Variants in DNAH2 observed in about 807,000 individuals in gnomAD.
DNAH2 encodes the protein axonemal beta dynein heavy chain 2.
Under a neutral mutation model 523.5 loss-of-function variants are expected in DNAH2, and 323 were observed. The ratio of observed to expected loss-of-function variants is 0.62; its 90% confidence interval spans 0.56 to 0.68. The LOEUF is 0.68. Ranked by LOEUF, DNAH2 falls within the 30% of genes least tolerant of loss-of-function variation. The pLI is 0.00. For synonymous variants in DNAH2, 2,093 were observed against 2,177.4 expected, an observed-to-expected ratio of 0.96 and a Z score of 1.08; for missense variants, 4,907 against 5,701.5, an observed-to-expected ratio of 0.86 and a Z score of 4.49.
At chr17:7,823,074 A>G (rs2077905035) in intron 73 of DNAH2, among the ~76,000 whole-genome samples, 1 of 152,098 alleles carries the variant, frequency 6.6e-6, no homozygotes, top group African/African-American at 2.4e-5. Context: ...GAGGATGATC[A>G]CCTGAGATCA....
At position 7,739,633 on chromosome 17, in the gene DNAH2, C is replaced by T. The variant is rs2075247811; in HGVS notation, c.1171-100C>T. ...TTTTTTTTTTTTTCACTTGCCATCA[C>T]TCACAGTGATGTTTTTAGACATTTG... On this transcript the variant is annotated intron_variant, in intron 8 of 85. Coordinates refer to ENST00000572933, the MANE Select transcript of DNAH2 (RefSeq NM_020877.5). 6.7e-6 allele frequency: 7 copies of T among 1,050,974 alleles called. No individual in the cohort carries two copies. In the Admixed American group the frequency reaches 1.7e-4, roughly 26 times the overall value. 65.1% of individuals were successfully genotyped at this position (1,050,974 alleles called of 1,614,324 possible). A position where few individuals can be genotyped will look rare whatever the true frequency, so the allele number is the denominator to read the frequency against.
chr17:7,796,572 A>G lies in DNAH2; in HGVS notation c.7783A>G (p.Met2595Val), dbSNP rs2077068654. 6.2e-7 allele frequency: 1 copy of G among 1,613,546 alleles called. No individual in the cohort carries two copies. Among genetic ancestry groups the G allele is most frequent in the Non-Finnish European group, 8.5e-7 (1 of 1,179,942 alleles). The stretch of plus-strand genomic sequence containing the variant: ...CGTGGTGACAGAGGCCACCCTGGAC[A>G]TGTACAACACCGTGGTACAGCGCTT... Reference protein sequence around the residue: ...GNVVTEATLDMYNTVVQRFLP... With the variant: ...GNVVTEATLDVYNTVVQRFLP... Residue 2595 changes from methionine (M) to valine (V), a missense_variant, in exon 50 of 86, where the codon ATG (methionine) becomes GTG (valine). Physicochemically the swap from Met to Val is conservative, Grantham distance 21. Coordinates refer to ENST00000572933, the MANE Select transcript of DNAH2 (RefSeq NM_020877.5).
chr17:7,803,367 A>G (rs937153347), intron 58 of DNAH2, among the ~76,000 whole-genome samples: 3 of 152,200 alleles, frequency 2.0e-5, no homozygotes, highest in African/African-American at 7.2e-5. Flanking sequence ...ATTGCAAAGG[A>G]TATTTTAAAA....
chr17:7,753,007 G>GGGAGCATGTCCTTCTTCA (rs2075732177), intron 12 of DNAH2, among the ~76,000 whole-genome samples: 1 of 152,036 alleles, frequency 6.6e-6, no homozygotes, highest in Non-Finnish European at 1.5e-5. Flanking sequence ...GGCTTTCTTC[G>GGGAGCATGTCCTTCTTCA]CGGGAGCATG....
Position 7,831,379 on chromosome 17 carries a change from T to G in DNAH2, c.12460-11T>G, listed in dbSNP as rs764418472. On this transcript the variant is annotated splice_polypyrimidine_tract_variant and intron_variant, in intron 80 of 85. Transcript: ENST00000572933. The surrounding 1 kb of genome is among the most constrained non-coding windows in gnomAD (Gnocchi z 4.2). Reference sequence around the variant, plus strand: ...AGAGGGGGCTACACTCAAGAGCTCCTGCCTGCTCAGGTCCTTGAGTTGGCC... The same window carrying G: ...AGAGGGGGCTACACTCAAGAGCTCCGGCCTGCTCAGGTCCTTGAGTTGGCC... 1 of 1,614,152 alleles carries G rather than the reference T, an allele frequency of 6.2e-7. No individual in the cohort carries two copies. The highest frequency in any genetic ancestry group is 8.5e-7 in the Non-Finnish European group (1 of 1,180,032).
At chr17:7,791,461 C>T (rs2151272176) in intron 44 of DNAH2, among the ~76,000 whole-genome samples, 1 of 152,296 alleles carries the variant, frequency 6.6e-6, no homozygotes, top group Admixed American at 6.5e-5. Flanking sequence ...TTCTGTATTA[C>T]TACACGTAGA....
chr17:7,757,285 CTTCT>C, intron 13 of DNAH2, 48 bp downstream of exon 13: 1 of 1,591,466 alleles, frequency 6.3e-7, no homozygotes, highest in Non-Finnish European at 8.6e-7. Flanking sequence ...TATTTTATTC[CTTCT>C]TTTTCTCTTA....
At chr17:7,741,315 C>CCTTCCT (rs1555540838) in intron 11 of DNAH2, among the ~76,000 whole-genome samples, 3 of 40,040 alleles carry the variant, frequency 7.5e-5, no homozygotes, top group Admixed American at 2.7e-4. Flanking sequence ...CCCTCCCTCC[C>CCTTCCT]TCCCTCCCTC....
rs776750617 is a variant in DNAH2, at chr17:7,768,018, ACGGGCTGTTT to A, written c.3797_3806del (p.Gly1266ValfsTer6). The stretch of plus-strand genomic sequence containing the variant: ...ACGGAAACCATGGAGACCACGGCCC[ACGGGCTGTTT>A]CGTCGCCTCACAAAATTAGCCAAAG... On this transcript the variant is annotated frameshift_variant, in exon 23 of 86. Coordinates refer to ENST00000572933, the MANE Select transcript of DNAH2 (RefSeq NM_020877.5). LOFTEE classifies it high-confidence loss of function. 8.7e-6 allele frequency: 14 copies of A among 1,614,176 alleles called. No individual in the cohort carries two copies. In the South Asian group the frequency reaches 1.5e-4, roughly 18 times the overall value.
At position 7,787,147 on chromosome 17, in the gene DNAH2, A is replaced by G. The variant is rs537803693; in HGVS notation, c.6603+114A>G. 1.2e-5 allele frequency: 16 copies of G among 1,351,400 alleles called. No homozygotes were observed. In the East Asian group the frequency reaches 4.0e-4, roughly 34 times the overall value. The allele number at this position is 1,351,400 out of a possible 1,614,324, so 83.7% of individuals were successfully genotyped here. A position where few individuals can be genotyped will look rare whatever the true frequency, so the allele number is the denominator to read the frequency against. ...GAGCAGGGCAGGTTCTGTGGGAGAG[A>G]GCTGAAAGGTGGATGCCTGGATTCA... On this transcript the variant is annotated intron_variant, in intron 42 of 85. Transcript: ENST00000572933.
At chr17:7,733,443 G>T (rs2075048223) in intron 5 of DNAH2, 128 bp downstream of exon 5, 1 of 761,732 alleles carries the variant, frequency 1.3e-6, no homozygotes, top group Non-Finnish European at 2.1e-6. Context: ...TATCGAATTG[G>T]TAGAATAGGG....
chr17:7,794,123 A>G (rs1423471980), intron 48 of DNAH2, 131 bp from the exon 49 acceptor site: 3 of 554,668 alleles, frequency 5.4e-6, no homozygotes, highest in African/African-American at 2.0e-5. Flanking sequence ...AACTCGCTGC[A>G]TCCCGGTTCC....
chr17:7,784,338 A>G (rs946418098), intron 39 of DNAH2, among the ~76,000 whole-genome samples: 4 of 152,200 alleles, frequency 2.6e-5, no homozygotes, highest in African/African-American at 9.7e-5. Context: ...GAAGAACACA[A>G]TCAACAATCA....
chr17:7,725,425 A>AACATATATATATATATATATAT (rs1555534960), intron 3 of DNAH2, among the ~76,000 whole-genome samples: 1 of 124,960 alleles, frequency 8.0e-6, no homozygotes, highest in Non-Finnish European at 1.7e-5. Flanking sequence ...ACTTCAAGTG[A>AACATATATATATATATATATAT]ATATATATAT....
intron 12 of DNAH2, among the ~76,000 whole-genome samples, chr17:7,748,932 C>T (rs2075590727): frequency 6.6e-6 from 1 of 151,908 alleles, no homozygotes; most frequent in Non-Finnish European, 1.5e-5. Context: ...GGATTTTCAG[C>T]TCAGCATCAG....
Position 7,777,450 on chromosome 17 carries a change from C to T in DNAH2, c.5063C>T (p.Ser1688Leu). 6.2e-7 allele frequency: 1 copy of T among 1,614,138 alleles called. No individual in the cohort carries two copies. The highest frequency in any genetic ancestry group is 8.5e-7 in the Non-Finnish European group (1 of 1,180,030). Residue 1688 changes from serine to leucine, a missense_variant, in exon 33 of 86, where the codon TCA becomes TTA. Around this residue, in one of 3 missense-constraint regions of DNAH2, gnomAD observed 2,806 missense variants for 3,190.8 expected, o/e 0.88. Transcript: ENST00000572933. Reference protein sequence around the residue: ...ILKVMKKNQVSILNKYSEAIR... With the variant: ...ILKVMKKNQVLILNKYSEAIR... ...CCCTGCTGCTTCATGCCACAGGTGTCAATCCTGAATAAGTATTCAGAAGCC... is the reference window on the plus strand; with the variant it reads ...CCCTGCTGCTTCATGCCACAGGTGTTAATCCTGAATAAGTATTCAGAAGCC...
intron 12 of DNAH2, among the ~76,000 whole-genome samples, chr17:7,744,361 G>A (rs991425179): frequency 6.6e-6 from 1 of 151,798 alleles, no homozygotes; most frequent in Admixed American, 6.6e-5. Context: ...CCAGAGAAGT[G>A]CTGTGTGGAG....
chr17:7,781,235 G>C, intron 39 of DNAH2, 68 bp downstream of exon 39: 1 of 1,586,104 alleles, frequency 6.3e-7, no homozygotes, highest in Non-Finnish European at 8.6e-7. Flanking sequence ...AGCACTTTGG[G>C]AGGCCGAGGT....
Position 7,764,610 on chromosome 17 carries a change from G to A in DNAH2, c.3336+337G>A, listed in dbSNP as rs1305300850. ...CAAGTAGCTGGGAACACAGGCACAC[G>A]CCACCACGCCTTGCTGATTTTTGTA... On this transcript the variant is annotated intron_variant, in intron 20 of 85. Coordinates refer to ENST00000572933, the MANE Select transcript of DNAH2 (RefSeq NM_020877.5). 4.0e-5 allele frequency among the ~76,000 whole-genome samples: 6 copies of A among 151,132 alleles called. No individual in the cohort carries two copies. In the East Asian group the frequency reaches 9.8e-4, roughly 25 times the overall value.
Sources: gnomAD v4.1 joint callset for allele counts (sites outside exome capture counted in the v4.1 genomes callset) on GRCh38, gnomAD v4.1.1 for gene constraint, gnomAD v4.1.1 regional missense constraint, Gnocchi (gnomAD v3.1) non-coding constraint, MANE v1.5 for transcripts, NCBI Gene and HGNC (gene_info 2026-07-23, HGNC 2026-07-21) for gene names.